The following DLG2 variants were observed in gnomAD, a reference collection of about 807,000 sequenced individuals.
The protein encoded by DLG2 is discs large MAGUK scaffold protein 2.
DLG2 carries 45 observed loss-of-function variants against 132.5 expected under a neutral mutation model. The observed-to-expected ratio is 0.34, with a 90% CI of 0.27 to 0.44. The LOEUF (loss-of-function observed/expected upper bound fraction) is 0.44, where lower values mean the gene tolerates loss of function less well. Ranked by LOEUF, DLG2 falls within the 20% of genes least tolerant of loss-of-function variation. The pLI is 1.00. For synonymous variants in DLG2, 424 were observed against 419.6 expected (o/e 1.01, Z -0.13); for missense variants, 1,045 against 1,196.9 (o/e 0.87, Z 1.87).
chr11:84,992,060 GCTCT>G (rs887396714), intron 6 of DLG2, among the ~76,000 whole-genome samples: 3 of 151,274 alleles, frequency 2.0e-5, no homozygotes, highest in South Asian at 2.1e-4. Context: ...TCCACATGCT[GCTCT>G]CTCTCTCTCT....
At chr11:83,482,880 T>A (rs568068557) in intron 22 of DLG2, among the ~76,000 whole-genome samples, 6 of 152,248 alleles carry the variant, frequency 3.9e-5, no homozygotes, top group African/African-American at 1.4e-4. Flanking sequence ...TACATTTCTG[T>A]TTTGCTGTTC....
At chr11:84,326,519 G>A (rs2098434084) in intron 7 of DLG2, among the ~76,000 whole-genome samples, 1 of 151,968 alleles carries the variant, frequency 6.6e-6, no homozygotes, top group African/African-American at 2.4e-5. Context: ...ATTTCCTCAT[G>A]TGTAAATTTT....
intron 9 of DLG2, among the ~76,000 whole-genome samples, chr11:84,106,979 GGTGTGTGTGTGTGT>G (rs35530888): frequency 5.7e-5 from 6 of 105,332 alleles, no homozygotes; most frequent in South Asian, 2.7e-4. Context: ...TTAGCCTTAG[GGTGTGTGTGTGTGT>G]GTGTGTGTGT....
At chr11:85,063,907 C>A (rs1448492426) in intron 6 of DLG2, among the ~76,000 whole-genome samples, 1 of 151,742 alleles carries the variant, frequency 6.6e-6, no homozygotes, top group Non-Finnish European at 1.5e-5. Context: ...TCTGTGGTGA[C>A]AAATAAGGCG....
chr11:84,405,273 C>A (rs551526029), intron 7 of DLG2, among the ~76,000 whole-genome samples: 50 of 152,314 alleles, frequency 3.3e-4, no homozygotes, highest in African/African-American at 1.2e-3. Context: ...CCACAGCCAA[C>A]CTTAGTATCT....
intron 6 of DLG2, among the ~76,000 whole-genome samples, chr11:84,791,810 T>C (rs2073887570): frequency 6.6e-6 from 1 of 152,222 alleles, no homozygotes; most frequent in East Asian, 1.9e-4. Context: ...ATTGAATTTA[T>C]CAGTTCCGAT....
chr11:85,172,120 T>G (rs2078919487), intron 4 of DLG2, among the ~76,000 whole-genome samples: 1 of 152,192 alleles, frequency 6.6e-6, no homozygotes, highest in South Asian at 2.1e-4. Flanking sequence ...TACTGCTTGT[T>G]TAAGTGGGTT....
intron 6 of DLG2, among the ~76,000 whole-genome samples, chr11:84,777,030 A>G (rs1196176463): frequency 6.6e-6 from 1 of 151,786 alleles, no homozygotes; most frequent in Non-Finnish European, 1.5e-5. Flanking sequence ...GTAATTTCTT[A>G]TCATCCAGCT....
chr11:85,445,623 T>C (rs981313369), intron 3 of DLG2, among the ~76,000 whole-genome samples: 1 of 152,120 alleles, frequency 6.6e-6, no homozygotes, highest in Non-Finnish European at 1.5e-5. Flanking sequence ...GAGGTTGCAG[T>C]GAGCCGAGGT....
intron 7 of DLG2, among the ~76,000 whole-genome samples, chr11:84,309,605 T>C (rs886312500): frequency 6.6e-6 from 1 of 152,110 alleles, no homozygotes; most frequent in Non-Finnish European, 1.5e-5. Context: ...TAGATTCCTT[T>C]AGAAAACCAA....
At chr11:84,792,344 CTGAG>C (rs2073974156) in intron 6 of DLG2, among the ~76,000 whole-genome samples, 1 of 151,924 alleles carries the variant, frequency 6.6e-6, no homozygotes, top group Admixed American at 6.6e-5. Context: ...TAGTATTTTG[CTGAG>C]TATTTTTGCA....
At chr11:85,134,948 C>G (rs1456542935) in intron 5 of DLG2, among the ~76,000 whole-genome samples, 2 of 152,214 alleles carry the variant, frequency 1.3e-5, no homozygotes, top group African/African-American at 4.8e-5. Context: ...AATCCATGCT[C>G]TGGTCCATTC....
chr11:85,232,137 A>G (rs2075334712), intron 4 of DLG2, among the ~76,000 whole-genome samples: 1 of 151,968 alleles, frequency 6.6e-6, no homozygotes, highest in South Asian at 2.1e-4. Context: ...CTAAATACCA[A>G]TAAAACTTGT....
intron 2 of DLG2, among the ~76,000 whole-genome samples, chr11:85,615,017 A>G (rs918877736): frequency 1.3e-5 from 2 of 152,190 alleles, no homozygotes; most frequent in African/African-American, 4.8e-5. Flanking sequence ...ACCCTCCCTA[A>G]AAAAGAATTG....
At chr11:84,420,960 G>C (rs553507416) in intron 7 of DLG2, among the ~76,000 whole-genome samples, 1 of 152,020 alleles carries the variant, frequency 6.6e-6, no homozygotes, top group African/African-American at 2.4e-5. Flanking sequence ...GAGCCACCGC[G>C]CCCGGCCCCA....
intron 17 of DLG2, among the ~76,000 whole-genome samples, chr11:83,808,730 C>T (rs772432846): frequency 2.4e-4 from 36 of 152,154 alleles, no homozygotes; most frequent in Non-Finnish European, 4.0e-4. Context: ...AAACTCCTAC[C>T]ACCTGGAAAA....
chr11:84,915,331 G>A (rs1490694775), intron 6 of DLG2, among the ~76,000 whole-genome samples: 1 of 152,080 alleles, frequency 6.6e-6, no homozygotes, highest in Non-Finnish European at 1.5e-5. Context: ...GAAAGAAATT[G>A]TTAAAAGTTG....
chr11:84,872,768 T>C (rs116152224), intron 6 of DLG2, among the ~76,000 whole-genome samples: 2,729 of 152,316 alleles, frequency 0.018, 78 homozygotes, highest in African/African-American at 0.061. Context: ...AGGTAATTTC[T>C]ATTAGATCAG....
At chr11:84,441,060 G>C (rs2099015776) in intron 7 of DLG2, among the ~76,000 whole-genome samples, 1 of 151,890 alleles carries the variant, frequency 6.6e-6, no homozygotes, top group African/African-American at 2.4e-5. Flanking sequence ...ATTGTACAAA[G>C]ATTTTGATTG....
Sources: allele counts gnomAD v4.1 joint callset (sites outside exome capture counted in the v4.1 genomes callset), GRCh38; gene constraint gnomAD v4.1.1; transcripts MANE v1.5; gene names NCBI Gene and HGNC (gene_info 2026-07-23, HGNC 2026-07-21).